Variants in ALDH18A1 observed in about 807,000 individuals in gnomAD.
ALDH18A1 encodes aldehyde dehydrogenase 18 family member A1, also known as delta-1-pyrroline-5-carboxylate synthase.
Under a neutral mutation model 88.8 loss-of-function variants are expected in ALDH18A1, and 44 were observed. The ratio of observed to expected loss-of-function variants is 0.50; its 90% CI spans 0.39 to 0.64. ALDH18A1 has a LOEUF of 0.64. ALDH18A1 is among the 30% of genes least tolerant of loss of function. The probability of loss-of-function intolerance (pLI) is 0.00; values close to 1 mark genes in which losing one functional copy is unlikely to be tolerated. For synonymous variants in ALDH18A1, 331 were observed against 372.1 expected (o/e 0.89, Z 1.27); for missense variants, 782 against 1,009.5 (o/e 0.77, Z 3.05).
intron 11 of ALDH18A1, among the ~76,000 whole-genome samples, chr10:95,623,867 A>G (rs1404405097): frequency 2.0e-5 from 3 of 151,986 alleles, no homozygotes; most frequent in Non-Finnish European, 4.4e-5. Context: ...GCCTAGCTGT[A>G]ATTTTTGTAT....
intron 6 of ALDH18A1, 79 bp downstream of exon 6, chr10:95,633,412 A>T (rs1457548893): frequency 6.5e-7 from 1 of 1,550,156 alleles, no homozygotes; most frequent in Non-Finnish European, 8.8e-7. Flanking sequence ...TTTATGCCAA[A>T]CTTCTGGTGT....
At chr10:95,613,894 A>G in intron 14 of ALDH18A1, 31 bp from the exon 15 acceptor site, 2 of 1,614,170 alleles carry the variant, frequency 1.2e-6, no homozygotes, top group African/African-American at 2.7e-5. Flanking sequence ...AATTGTTTCC[A>G]TTGACATGAT....
chr10:95,611,905 G>A (rs755135487), intron 15 of ALDH18A1, among the ~76,000 whole-genome samples: 1 of 152,070 alleles, frequency 6.6e-6, no homozygotes, highest in Non-Finnish European at 1.5e-5. Flanking sequence ...GGAAGGCAGA[G>A]GTTGCAGTGA....
chr10:95,606,598 C>G lies in ALDH18A1; in HGVS notation c.*164G>C. 6.4e-7 allele frequency: 1 copy of G among 1,570,810 alleles called. No homozygotes were observed. Among genetic ancestry groups the G allele is most frequent in the Non-Finnish European group, 8.6e-7 (1 of 1,164,388 alleles). On this transcript the variant is annotated 3_prime_UTR_variant, in exon 18 of 18. Transcript: ENST00000371224. ...GAGCTGGGAGCCAGACTGTGCACAT[C>G]AGCCAAGACTGCTATTGCCAAACGG...
chr10:95,650,050 C>T (rs2097907889), intron 2 of ALDH18A1, among the ~76,000 whole-genome samples: 1 of 151,256 alleles, frequency 6.6e-6, no homozygotes, highest in South Asian at 2.1e-4. Flanking sequence ...AACAACAGAG[C>T]AAGATCTTGT....
At chr10:95,619,423 A>T (rs1398902769) in intron 12 of ALDH18A1, among the ~76,000 whole-genome samples, 1 of 152,238 alleles carries the variant, frequency 6.6e-6, no homozygotes, top group Non-Finnish European at 1.5e-5. Context: ...TTCTTCACAG[A>T]ATTGGAAAAA....
chr10:95,631,948 C>T lies in ALDH18A1; in HGVS notation c.808+1011G>A, dbSNP rs375412408. ...TAGATGAAATAAAAACATGTTCACACAAAAACGTGTCATGAATGTTCACAG... is the reference window on the plus strand; with the variant it reads ...TAGATGAAATAAAAACATGTTCACATAAAAACGTGTCATGAATGTTCACAG... On this transcript the variant is annotated intron_variant, in intron 7 of 17. Transcript: ENST00000371224. Among the ~76,000 whole-genome samples the T allele has an allele frequency of 8.5e-5, 13 of 152,210 alleles. No individual in the cohort carries two copies. In the East Asian group the frequency reaches 2.1e-3, roughly 25 times the overall value.
At chr10:95,630,441 C>T (rs140894009) in intron 7 of ALDH18A1, among the ~76,000 whole-genome samples, 11 of 152,320 alleles carry the variant, frequency 7.2e-5, no homozygotes, top group African/African-American at 2.4e-4. Context: ...GGCCAGGCGC[C>T]GTGGCTCATG....
At chr10:95,651,214 T>C (rs1027149722) in intron 2 of ALDH18A1, among the ~76,000 whole-genome samples, 7 of 152,058 alleles carry the variant, frequency 4.6e-5, no homozygotes, top group Non-Finnish European at 1.0e-4. Flanking sequence ...CATGAAAAGA[T>C]GTTCAATATC....
chr10:95,644,312 C>G (rs909400799), intron 2 of ALDH18A1, among the ~76,000 whole-genome samples: 7 of 152,202 alleles, frequency 4.6e-5, no homozygotes, highest in African/African-American at 1.7e-4. Context: ...GAAGGAAAAG[C>G]AATGTTAGAG....
intron 2 of ALDH18A1, among the ~76,000 whole-genome samples, chr10:95,645,967 A>C (rs1243929849): frequency 6.6e-6 from 1 of 152,194 alleles, no homozygotes; most frequent in East Asian, 1.9e-4. Context: ...ACTAAGTCTT[A>C]AGTTTAAAAG....
At chr10:95,609,609 C>T (rs1183609090) in intron 17 of ALDH18A1, among the ~76,000 whole-genome samples, 7 of 152,156 alleles carry the variant, frequency 4.6e-5, no homozygotes, top group Non-Finnish European at 4.4e-5. Flanking sequence ...GGGCAAGTTA[C>T]TATACTTCTC....
chr10:95,633,378 TTC>T (rs2097874318), intron 6 of ALDH18A1, 111 bp downstream of exon 6: 7 of 1,375,720 alleles, frequency 5.1e-6, no homozygotes, highest in Non-Finnish European at 7.1e-6. Context: ...CATGACAAGT[TTC>T]TCTCACAACT....
rs537733180 is a variant in ALDH18A1 at position 95,643,031 on chromosome 10, A to G, written c.264T>C (p.Cys88=). ...GSAVVTRGDE[C]GLALGRLASI... is the part of the protein sequence containing the mutation. ...ATGCCAAGCGCCCCAGGGCCAGGCCACATTCATCCCCTCGGGTCACCACGG... is the reference window on the plus strand; with the variant it reads ...ATGCCAAGCGCCCCAGGGCCAGGCCGCATTCATCCCCTCGGGTCACCACGG... Residue 88 remains cysteine, a synonymous_variant, in exon 3 of 18, where the codon TGT becomes TGC. Coordinates refer to ENST00000371224, the MANE Select transcript of ALDH18A1 (RefSeq NM_002860.4). 5.9e-5 allele frequency: 95 copies of G among 1,613,954 alleles called. 1 individual carries two copies. The South Asian group carries it at 9.7e-4, about 16-fold the overall frequency.
At chr10:95,639,954 T>C (rs2097888300) in intron 3 of ALDH18A1, among the ~76,000 whole-genome samples, 1 of 152,034 alleles carries the variant, frequency 6.6e-6, no homozygotes, top group South Asian at 2.1e-4. Context: ...TCTTTATAAG[T>C]TGTGGTGTAC....
At position 95,606,259 on chromosome 10, in the gene ALDH18A1, C is replaced by A. The variant is rs769185507; in HGVS notation, c.*503G>T. 54 of 997,628 alleles carry A rather than the reference C, an allele frequency of 5.4e-5. No homozygotes were observed. Among genetic ancestry groups the A allele is most frequent in the Non-Finnish European group, 6.5e-5 (54 of 836,746 alleles). 61.8% of individuals were successfully genotyped at this position (997,628 alleles called of 1,614,324 possible). A position where few individuals can be genotyped will look rare whatever the true frequency, so the allele number is the denominator to read the frequency against. The stretch of plus-strand genomic sequence containing the variant: ...GTCAATCTTCCCAGTGGAAATGATT[C>A]CATCGATTTTTGTGACTTTCTGATG... On this transcript the variant is annotated 3_prime_UTR_variant, in exon 18 of 18. Transcript: ENST00000371224.
intron 3 of ALDH18A1, among the ~76,000 whole-genome samples, chr10:95,639,249 G>A (rs2097886833): frequency 1.3e-5 from 2 of 152,010 alleles, no homozygotes; most frequent in Admixed American, 1.3e-4. Flanking sequence ...GATCCCAACT[G>A]AGCCCTGGAG....
chr10:95,628,035 G>T lies in ALDH18A1; in HGVS notation c.933+333C>A, dbSNP rs570732594. On this transcript the variant is annotated intron_variant, in intron 8 of 17. Transcript: ENST00000371224. Reference sequence around the variant, plus strand: ...GGTATAACTTCTAAGAACAATTAATGGGACACAATTTTTGAAAGATTTCAT... The same window carrying T: ...GGTATAACTTCTAAGAACAATTAATTGGACACAATTTTTGAAAGATTTCAT... 8.5e-5 allele frequency among the ~76,000 whole-genome samples: 13 copies of T among 152,250 alleles called. No individual in the cohort carries two copies. The South Asian group carries it at 2.7e-3, about 32-fold the overall frequency.
chr10:95,614,229 C>T (rs1734033275), intron 13 of ALDH18A1, 68 bp from the exon 14 acceptor site: 1 of 1,501,686 alleles, frequency 6.7e-7, no homozygotes, highest in East Asian at 2.3e-5. Context: ...ACAGCAGCTT[C>T]CCTTTTACAG....
Sources: allele counts gnomAD v4.1 joint callset (sites outside exome capture counted in the v4.1 genomes callset), GRCh38; gene constraint gnomAD v4.1.1; transcripts MANE v1.5; gene names NCBI Gene and HGNC (gene_info 2026-07-23, HGNC 2026-07-21).